Variants in CCDC171 observed in about 807,000 individuals in gnomAD.
CCDC171 encodes the protein coiled-coil domain containing 171.
CCDC171 carries 177 observed loss-of-function variants against 168.2 expected under a neutral mutation model. The ratio of observed to expected loss-of-function variants is 1.05; its 90% CI spans 0.93 to 1.19. The LOEUF (loss-of-function observed/expected upper bound fraction) is 1.19. Ranked by LOEUF, CCDC171 falls within the 50% of genes most tolerant of loss-of-function variation. The pLI is 0.00. For synonymous variants in CCDC171, 687 were observed against 540.8 expected, an observed-to-expected ratio of 1.27 and a Z score of -3.75; for missense variants, 1,991 against 1,539.0, an observed-to-expected ratio of 1.29 and a Z score of -4.91.
chr9:16,051,813 C>G (rs899346408), intron 1 of CCDC171, among the ~76,000 whole-genome samples: 4 of 152,208 alleles, frequency 2.6e-5, no homozygotes, highest in Non-Finnish European at 4.4e-5. Context: ...CTAATAAAGA[C>G]ATACCCAAGA....
chr9:15,688,023 G>A (rs2050525959), intron 10 of CCDC171, among the ~76,000 whole-genome samples: 1 of 151,430 alleles, frequency 6.6e-6, no homozygotes, highest in Non-Finnish European at 1.5e-5. Flanking sequence ...GGAGGCTGAG[G>A]CAGGAGAATC....
intron 21 of CCDC171, among the ~76,000 whole-genome samples, chr9:15,842,740 A>G (rs1182984008): frequency 6.6e-6 from 1 of 151,928 alleles, no homozygotes; most frequent in East Asian, 1.9e-4. Context: ...TTTTCATTGC[A>G]CAAAATGTTT....
chr9:15,613,955 T>G (rs540773409), intron 6 of CCDC171, among the ~76,000 whole-genome samples: 1 of 152,246 alleles, frequency 6.6e-6, no homozygotes, highest in Non-Finnish European at 1.5e-5. Context: ...ACTTGGTTTG[T>G]AGATGGTCAG....
chr9:16,021,720 G>T (rs1833169178), intron 4 of CCDC171, among the ~76,000 whole-genome samples: 1 of 152,302 alleles, frequency 6.6e-6, no homozygotes, highest in African/African-American at 2.4e-5. Flanking sequence ...AATGATAGCT[G>T]TTATGAAAAG....
intron 24 of CCDC171, among the ~76,000 whole-genome samples, chr9:15,899,726 G>A (rs1368296047): frequency 6.6e-6 from 1 of 151,956 alleles, no homozygotes; most frequent in African/African-American, 2.4e-5. Context: ...TCTTTTTACT[G>A]TTGAGTTTTG....
At chr9:15,988,649 C>A (rs1457857965) in intron 3 of CCDC171, among the ~76,000 whole-genome samples, 2 of 152,248 alleles carry the variant, frequency 1.3e-5, no homozygotes, top group African/African-American at 4.8e-5. Context: ...ACCCGGGAAG[C>A]ACAAGGGCTC....
At chr9:15,746,759 G>C (rs910871099) in intron 18 of CCDC171, among the ~76,000 whole-genome samples, 1 of 152,162 alleles carries the variant, frequency 6.6e-6, no homozygotes, top group African/African-American at 2.4e-5. Context: ...TGGACAGTGG[G>C]TGCAGCCCAC....
At chr9:15,992,167 T>G (rs1252425569) in intron 3 of CCDC171, among the ~76,000 whole-genome samples, 1 of 152,198 alleles carries the variant, frequency 6.6e-6, no homozygotes, top group Non-Finnish European at 1.5e-5. Flanking sequence ...TGAACATCGA[T>G]GCAAAAATCC....
intron 6 of CCDC171, among the ~76,000 whole-genome samples, chr9:15,602,647 CTTTTTTTTT>C (rs1161286304): frequency 1.3e-4 from 4 of 30,466 alleles, no homozygotes; most frequent in African/African-American, 1.2e-4. Context: ...TTTTTTTTTT[CTTTTTTTTT>C]TTTTTTTTTT....
In CCDC171 at chr9:15,817,944, C is replaced by T. The variant is rs561325120; in HGVS notation, c.3268-28758C>T. ...AGTAACCTAGCTGGGAGGCATCCCCCGGTAGGGGCAGACTGACACCTCACA... is the reference window on the plus strand; with the variant it reads ...AGTAACCTAGCTGGGAGGCATCCCCTGGTAGGGGCAGACTGACACCTCACA... On this transcript the variant is annotated intron_variant, in intron 21 of 25. Transcript: ENST00000380701. Among the ~76,000 whole-genome samples, 11 of 117,790 alleles carry T rather than the reference C, an allele frequency of 9.3e-5. 4 individuals carry two copies. The highest frequency in any genetic ancestry group is 2.2e-4 in the African/African-American group (7 of 31,438). 77.3% of individuals were successfully genotyped at this position (117,790 alleles called of 152,430 possible).
At chr9:15,786,692 A>G (rs1213592965) in intron 21 of CCDC171, among the ~76,000 whole-genome samples, 1 of 152,132 alleles carries the variant, frequency 6.6e-6, no homozygotes, top group Non-Finnish European at 1.5e-5. Flanking sequence ...CTGAAAAACC[A>G]CAAAAGAAGT....
chr9:15,700,784 C>A (rs1369773600), intron 11 of CCDC171, among the ~76,000 whole-genome samples: 1 of 151,916 alleles, frequency 6.6e-6, no homozygotes, highest in African/African-American at 2.4e-5. Context: ...CCATGCCTGG[C>A]TTATTTTTAG....
the CCDC171 span, among the ~76,000 whole-genome samples, chr9:16,070,606 A>G: frequency 6.6e-6 from 1 of 152,148 alleles, no homozygotes. Context: ...GAAGCCAGGG[A>G]TGGGTGTGAC....
chr9:15,743,429 C>T (rs1443449712), intron 16 of CCDC171, among the ~76,000 whole-genome samples: 1 of 152,116 alleles, frequency 6.6e-6, no homozygotes, highest in East Asian at 1.9e-4. Context: ...GCCTCAGCCT[C>T]CCAAACACTG....
chr9:15,622,595 T>G (rs772881487), intron 6 of CCDC171, among the ~76,000 whole-genome samples: 1 of 152,230 alleles, frequency 6.6e-6, no homozygotes, highest in Non-Finnish European at 1.5e-5. Context: ...GATTAGTTAC[T>G]GTGGAGAATG....
intron 7 of CCDC171, among the ~76,000 whole-genome samples, chr9:15,637,404 G>A (rs1215757293): frequency 1.3e-5 from 2 of 151,826 alleles, no homozygotes; most frequent in African/African-American, 4.8e-5. Context: ...ATTGGTTGAT[G>A]TTATAGGTAT....
intron 6 of CCDC171, among the ~76,000 whole-genome samples, chr9:16,032,999 G>T (rs989163304): frequency 6.6e-6 from 1 of 152,132 alleles, no homozygotes; most frequent in Non-Finnish European, 1.5e-5. Flanking sequence ...GGTTTAGCGT[G>T]GGTCACATTC....
intron 3 of CCDC171, among the ~76,000 whole-genome samples, chr9:15,995,667 T>C (rs1029033985): frequency 6.6e-6 from 1 of 152,364 alleles, no homozygotes; most frequent in Middle Eastern, 3.4e-3. Context: ...AGTGATGACC[T>C]TGACAAACTC....
intron 3 of CCDC171, among the ~76,000 whole-genome samples, chr9:16,006,151 T>G (rs1310789029): frequency 6.6e-6 from 1 of 152,184 alleles, no homozygotes; most frequent in Non-Finnish European, 1.5e-5. Flanking sequence ...AGTGAGCCTC[T>G]CTGCCCAACC....
Sources: gnomAD v4.1 joint callset for allele counts (sites outside exome capture counted in the v4.1 genomes callset) on GRCh38, gnomAD v4.1.1 for gene constraint, MANE v1.5 for transcripts, NCBI Gene and HGNC (gene_info 2026-07-23, HGNC 2026-07-21) for gene names.